SLC26A5: variants seen among roughly 807,000 people sequenced by gnomAD.
The protein encoded by SLC26A5 is prestin.
Under a neutral mutation model 81.0 loss-of-function variants are expected in SLC26A5, and 51 were observed. The ratio of observed to expected loss-of-function variants is 0.63; its 90% CI spans 0.50 to 0.80. The LOEUF (loss-of-function observed/expected upper bound fraction) is 0.80. Ranked by LOEUF, SLC26A5 falls within the 30% of genes least tolerant of loss-of-function variation. The pLI, the probability that SLC26A5 is intolerant of heterozygous loss-of-function variation, is 0.00. For missense variants in SLC26A5, 771 were observed against 905.8 expected, an observed-to-expected ratio of 0.85 and a Z score of 1.91; for synonymous variants, 325 against 332.8, an observed-to-expected ratio of 0.98 and a Z score of 0.25.
intron 19 of SLC26A5, chr7:103,361,984 G>C: frequency 1.2e-6 from 2 of 1,613,124 alleles, no homozygotes; most frequent in Non-Finnish European, 1.7e-6. Context: ...ATGCTGATTC[G>C]GAGGACCCAA....
At chr7:103,360,177 A>T (rs1820299005) in intron 19 of SLC26A5, among the ~76,000 whole-genome samples, 1 of 152,126 alleles carries the variant, frequency 6.6e-6, no homozygotes, top group African/African-American at 2.4e-5. Flanking sequence ...TATGAGCCAT[A>T]ATGTCATACA....
At chr7:103,379,095 A>T in intron 16 of SLC26A5, 148 bp downstream of exon 16, 1 of 651,190 alleles carries the variant, frequency 1.5e-6, no homozygotes, top group Non-Finnish European at 2.7e-6. Context: ...AAAATAGTAT[A>T]TTTTATGTTA....
intron 8 of SLC26A5, among the ~76,000 whole-genome samples, chr7:103,398,479 C>G (rs1237875175): frequency 6.6e-6 from 1 of 152,102 alleles, no homozygotes; most frequent in Non-Finnish European, 1.5e-5. Context: ...GACAGCAGCC[C>G]TAAGTGTGGT....
At chr7:103,389,919 C>A (rs1023889130) in intron 12 of SLC26A5, among the ~76,000 whole-genome samples, 8 of 152,172 alleles carry the variant, frequency 5.3e-5, no homozygotes, top group African/African-American at 1.9e-4. Context: ...AGCCACCACA[C>A]CCGGCTGGAA....
chr7:103,380,516 T>A lies in SLC26A5; in HGVS notation c.1548A>T (p.Glu516Asp). Residue 516 changes from glutamate to aspartate, a missense_variant, in exon 15 of 20, where the codon GAA becomes GAT. Physicochemically the swap from Glu to Asp is conservative, Grantham distance 45. Coordinates refer to ENST00000306312, the MANE Select transcript of SLC26A5 (RefSeq NM_198999.3). ...CGTCTATATCAATATACACATCAGT[T>A]TCAGGAAGCTTTCCAAGGACTTTGT... Reference protein sequence around the residue: ...PSYKVLGKLPETDVYIDIDAY... With the variant: ...PSYKVLGKLPDTDVYIDIDAY... 1 of 1,613,820 alleles carries A rather than the reference T, an allele frequency of 6.2e-7. No individual in the cohort carries two copies. The highest frequency in any genetic ancestry group is 8.5e-7 in the Non-Finnish European group (1 of 1,179,792).
intron 14 of SLC26A5, among the ~76,000 whole-genome samples, chr7:103,382,353 T>C (rs2116397569): frequency 6.8e-6 from 1 of 147,060 alleles, no homozygotes; most frequent in East Asian, 2.0e-4. Context: ...TTCCTTTTTT[T>C]TTTTTTTTTT....
At chr7:103,419,089 T>C (rs951629573) in intron 4 of SLC26A5, among the ~76,000 whole-genome samples, 13 of 152,182 alleles carry the variant, frequency 8.5e-5, no homozygotes, top group African/African-American at 3.1e-4. Flanking sequence ...AGCTCTCTCT[T>C]GCCTGCCACC....
intron 9 of SLC26A5, among the ~76,000 whole-genome samples, chr7:103,393,993 A>G (rs1443613269): frequency 6.6e-6 from 1 of 152,210 alleles, no homozygotes; most frequent in African/African-American, 2.4e-5. Flanking sequence ...TGAACTAGGC[A>G]CCACTGTAAT....
intron 14 of SLC26A5, among the ~76,000 whole-genome samples, chr7:103,386,171 T>C (rs1822177811): frequency 6.6e-6 from 1 of 151,752 alleles, no homozygotes; most frequent in Non-Finnish European, 1.5e-5. Flanking sequence ...CCTCAAATGA[T>C]CCGCTTGCCT....
intron 19 of SLC26A5, among the ~76,000 whole-genome samples, chr7:103,359,496 G>A (rs10234196): frequency 0.012 from 1,810 of 151,952 alleles, 35 homozygotes; most frequent in African/African-American, 0.041. Context: ...CTTCATTCCC[G>A]TCTCTTTCCA....
In SLC26A5 at chr7:103,390,398, A is replaced by G. The variant is rs778371236; in HGVS notation, c.1311+31T>C. On this transcript the variant is annotated intron_variant, in intron 12 of 19. Transcript: ENST00000306312. The stretch of plus-strand genomic sequence containing the variant: ...AATAGCAAAATCTCTACACATGAAA[A>G]AAACTTCACCCAAGTCCACATTACA... The G allele has an allele frequency of 8.8e-6, 14 of 1,591,146 alleles. No individual in the cohort carries two copies. In the South Asian group the frequency reaches 8.8e-5, roughly 10 times the overall value.
chr7:103,374,482 CCTCT>C lies in SLC26A5; in HGVS notation c.2148_2151del (p.Glu717HisfsTer29). ...GCCGAGGCTTCCTGTTCAGCAAGTG[CCTCT>C]CTAAGTTGGCTGCCTAAAACTGCAT... On this transcript the variant is annotated frameshift_variant, in exon 20 of 20. Transcript: ENST00000306312. LOFTEE classifies it high-confidence loss of function. 1 of 1,613,670 alleles carries C rather than the reference CCTCT, an allele frequency of 6.2e-7. No homozygotes were observed.
Position 103,367,632 on chromosome 7 carries a change from A to C in SLC26A5, c.2041+9176T>G. 1 of 1,611,272 alleles carries C rather than the reference A, an allele frequency of 6.2e-7. No homozygotes were observed. Among genetic ancestry groups the C allele is most frequent in the Non-Finnish European group, 8.5e-7 (1 of 1,178,738 alleles). On this transcript the variant is annotated intron_variant, in intron 19 of 19. Coordinates refer to the SLC26A5 transcript ENST00000339444. This position sits in a 1 kb window ranked among gnomAD's most constrained non-coding sequence, Gnocchi z 6.1. ...GATCTAGAGGTAAGAAAACCATTTC[A>C]TTTTAGGAAAGGGATTTTTGAAGTT...
At chr7:103,377,145 T>TA (rs1159151008) in intron 18 of SLC26A5, among the ~76,000 whole-genome samples, 3 of 152,168 alleles carry the variant, frequency 2.0e-5, no homozygotes, top group Non-Finnish European at 4.4e-5. Flanking sequence ...AATTTCAAAA[T>TA]AAAAAACGAT....
At chr7:103,415,818 C>G (rs1310622206) in intron 4 of SLC26A5, among the ~76,000 whole-genome samples, 1 of 152,096 alleles carries the variant, frequency 6.6e-6, no homozygotes, top group Non-Finnish European at 1.5e-5. Context: ...AATGATTTCT[C>G]TCAGTCTGAA....
At chr7:103,371,756 C>T (rs918893142), downstream of SLC26A5, among the ~76,000 whole-genome samples, 5 of 145,220 alleles carry the variant, frequency 3.4e-5, no homozygotes, top group African/African-American at 5.1e-5. Context: ...AGTGCAATGG[C>T]GTGGTCTCGG....
chr7:103,416,159 ATAGTTT>A (rs528766841), intron 4 of SLC26A5, among the ~76,000 whole-genome samples: 23 of 152,264 alleles, frequency 1.5e-4, no homozygotes, highest in Non-Finnish European at 2.9e-4. Flanking sequence ...TTAGGATACT[ATAGTTT>A]TAAAGTTTTT....
chr7:103,366,266 C>G (rs1435456076), intron 19 of SLC26A5: 7 of 999,930 alleles, frequency 7.0e-6, no homozygotes, highest in Non-Finnish European at 1.1e-5. Context: ...TTAACTCCAA[C>G]TCTTCTATGA....
intron 19 of SLC26A5, chr7:103,353,935 G>C: frequency 1.2e-6 from 2 of 1,603,152 alleles, no homozygotes; most frequent in Non-Finnish European, 1.7e-6. Flanking sequence ...GGATGAGGGG[G>C]ATATTGCCTT....
Sources: allele counts gnomAD v4.1 joint callset (sites outside exome capture counted in the v4.1 genomes callset), GRCh38; gene constraint gnomAD v4.1.1; non-coding constraint Gnocchi (gnomAD v3.1); transcripts MANE v1.5; gene names NCBI Gene and HGNC (gene_info 2026-07-23, HGNC 2026-07-21).